The following SIAH3 variants were observed in gnomAD, a reference collection of about 807,000 sequenced individuals.
SIAH3 encodes seven in absentia homolog 3.
A neutral mutation model predicts 12.6 loss-of-function variants in SIAH3; 9 were observed. The ratio of observed to expected loss-of-function variants is 0.72; its 90% CI spans 0.43 to 1.25. The LOEUF is 1.25. Ranked by LOEUF, SIAH3 falls within the 50% of genes most tolerant of loss-of-function variation. SIAH3 has a pLI of 0.00. For missense variants in SIAH3, 390 were observed against 365.4 expected, an observed-to-expected ratio of 1.07 and a Z score of -0.55; for synonymous variants, 154 against 151.1, an observed-to-expected ratio of 1.02 and a Z score of -0.14.
At chr13:45,790,925 T>C (rs1437869695) in intron 1 of SIAH3, among the ~76,000 whole-genome samples, 2 of 152,236 alleles carry the variant, frequency 1.3e-5, no homozygotes, top group Admixed American at 6.5e-5. Context: ...CTCATGTCTG[T>C]ACTCCTAGCA....
intron 1 of SIAH3, among the ~76,000 whole-genome samples, chr13:45,825,732 G>A (rs74071841): frequency 0.022 from 3,319 of 152,286 alleles, 122 homozygotes; most frequent in African/African-American, 0.075. Flanking sequence ...TCATCTGTTC[G>A]TTCATTCAAC....
intron 1 of SIAH3, among the ~76,000 whole-genome samples, chr13:45,816,664 C>T (rs1424677746): frequency 6.6e-6 from 1 of 152,186 alleles, no homozygotes; most frequent in African/African-American, 2.4e-5. Context: ...GCTCAGGCTG[C>T]CCTCTGACAT....
chr13:45,794,778 T>A (rs564557429), intron 1 of SIAH3, among the ~76,000 whole-genome samples: 1 of 152,278 alleles, frequency 6.6e-6, no homozygotes, highest in Admixed American at 6.5e-5. Context: ...CTCAGGTGTG[T>A]CTTTATTAGC....
At chr13:45,796,338 G>T (rs9595383) in intron 1 of SIAH3, among the ~76,000 whole-genome samples, 1 of 151,818 alleles carries the variant, frequency 6.6e-6, no homozygotes, top group African/African-American at 2.4e-5. Context: ...TTTCATGGGC[G>T]GGGGGGAGGC....
chr13:45,784,391 G>A lies in SIAH3; in HGVS notation c.136-334C>T, dbSNP rs1415314871. Among the ~76,000 whole-genome samples the A allele has an allele frequency of 9.9e-5, 12 of 121,010 alleles. No individual in the cohort carries two copies. In the East Asian group the frequency reaches 2.0e-3, roughly 20 times the overall value. 79.4% of individuals were successfully genotyped at this position (121,010 alleles called of 152,430 possible). On this transcript the variant is annotated intron_variant, in intron 1 of 1. Coordinates refer to ENST00000400405, the MANE Select transcript of SIAH3 (RefSeq NM_198849.3). Reference sequence around the variant, plus strand: ...ATGGTCATCAATCACAAAGAACAAAGACAGCTGTTTTTTTTTTTTTTTTTT... The same window carrying A: ...ATGGTCATCAATCACAAAGAACAAAAACAGCTGTTTTTTTTTTTTTTTTTT...
rs1384546142 is a variant in SIAH3, at chr13:45,781,014, C to T, written c.*2369G>A. 2 of 152,496 alleles carry T rather than the reference C, an allele frequency of 1.3e-5. No homozygotes were observed. Among genetic ancestry groups the T allele is most frequent in the African/African-American group, 4.8e-5 (2 of 41,434 alleles). The allele number at this position is 152,496 out of a possible 1,614,324, so 9.4% of individuals were successfully genotyped here. ...TATGGAGAGGCCTTTTGGGGAGCAC[C>T]ATAGATGGAAGATAATAATACATTT... On this transcript the variant is annotated 3_prime_UTR_variant, in exon 2 of 2. Transcript: ENST00000400405.
At chr13:45,843,859 T>A (rs1235267829) in intron 1 of SIAH3, among the ~76,000 whole-genome samples, 1 of 152,142 alleles carries the variant, frequency 6.6e-6, no homozygotes, top group East Asian at 1.9e-4. Context: ...TAACAATTGG[T>A]GCCGGTCATA....
At chr13:45,811,295 G>A (rs999476489) in intron 1 of SIAH3, among the ~76,000 whole-genome samples, 1 of 152,112 alleles carries the variant, frequency 6.6e-6, no homozygotes, top group Admixed American at 6.6e-5. Flanking sequence ...GGTGAGAGGT[G>A]GTGATATTTG....
At chr13:45,796,151 A>C (rs1470399597) in intron 1 of SIAH3, among the ~76,000 whole-genome samples, 1 of 152,116 alleles carries the variant, frequency 6.6e-6, no homozygotes, top group Non-Finnish European at 1.5e-5. Flanking sequence ...GGCTCTATGG[A>C]TATGTGATTT....
Position 45,847,457 on chromosome 13 carries a change from T to C in SIAH3, c.135+4038A>G, listed in dbSNP as rs553962492. Reference sequence around the variant, plus strand: ...CTCCTCTTCCTTACAGCTCCCACCCTCCCCACTGCCACTCAATACACATTT... The same window carrying C: ...CTCCTCTTCCTTACAGCTCCCACCCCCCCCACTGCCACTCAATACACATTT... On this transcript the variant is annotated intron_variant, in intron 1 of 1. Coordinates refer to ENST00000400405, the MANE Select transcript of SIAH3 (RefSeq NM_198849.3). Among the ~76,000 whole-genome samples, 10 of 152,140 alleles carry C rather than the reference T, an allele frequency of 6.6e-5. No individual in the cohort carries two copies. The East Asian group carries it at 1.9e-3, about 29-fold the overall frequency.
At chr13:45,801,755 G>A (rs1483831221) in intron 1 of SIAH3, among the ~76,000 whole-genome samples, 1 of 152,130 alleles carries the variant, frequency 6.6e-6, no homozygotes, top group Non-Finnish European at 1.5e-5. Context: ...AGTACCTCAT[G>A]TAAATTTGAA....
At chr13:45,823,514 T>C (rs1285741865) in intron 1 of SIAH3, among the ~76,000 whole-genome samples, 2 of 152,226 alleles carry the variant, frequency 1.3e-5, no homozygotes, top group Non-Finnish European at 2.9e-5. Flanking sequence ...TTCTTTTCCT[T>C]TGTGAAATCT....
chr13:45,793,496 C>T (rs560453564), intron 1 of SIAH3, among the ~76,000 whole-genome samples: 105 of 152,304 alleles, frequency 6.9e-4, no homozygotes, highest in African/African-American at 2.5e-3. Context: ...CAAACTTATT[C>T]AACATCTAGT....
intron 1 of SIAH3, among the ~76,000 whole-genome samples, chr13:45,802,706 A>T (rs1255166334): frequency 1.3e-5 from 2 of 152,190 alleles, no homozygotes; most frequent in Non-Finnish European, 2.9e-5. Flanking sequence ...CCAGATCTAC[A>T]TTCGGCAGGT....
Position 45,828,582 on chromosome 13 carries a change from A to T in SIAH3, c.135+22913T>A, listed in dbSNP as rs1950687187. ...GCTATCCCAGCTTATCTAATGAAAG[A>T]TAGTCCAAATTTCCTCTCAATCCAG... On this transcript the variant is annotated intron_variant, in intron 1 of 1. Transcript: ENST00000400405. Among the ~76,000 whole-genome samples, 5 of 152,346 alleles carry T rather than the reference A, an allele frequency of 3.3e-5. No homozygotes were observed. The South Asian group carries it at 8.3e-4, about 25-fold the overall frequency.
chr13:45,804,901 G>T (rs1011729345), intron 1 of SIAH3, among the ~76,000 whole-genome samples: 4 of 149,100 alleles, frequency 2.7e-5, no homozygotes, highest in Non-Finnish European at 1.5e-5. Context: ...ACAAAAATTG[G>T]TAGCATTTTA....
chr13:45,789,934 T>C (rs1030721323), intron 1 of SIAH3, among the ~76,000 whole-genome samples: 3 of 152,192 alleles, frequency 2.0e-5, no homozygotes, highest in African/African-American at 4.8e-5. Context: ...ATCAGCATAA[T>C]AGATGCTAGA....
At chr13:45,789,217 G>T (rs1950537435) in intron 1 of SIAH3, among the ~76,000 whole-genome samples, 1 of 152,188 alleles carries the variant, frequency 6.6e-6, no homozygotes, top group Non-Finnish European at 1.5e-5. Context: ...TGTATCTTAT[G>T]CTCCTTCTCC....
intron 1 of SIAH3, among the ~76,000 whole-genome samples, chr13:45,824,530 G>A (rs976356063): frequency 2.0e-5 from 3 of 152,134 alleles, no homozygotes; most frequent in South Asian, 2.1e-4. Flanking sequence ...TCTAATTAAG[G>A]CAGAGTATCT....
Sources: allele counts gnomAD v4.1 joint callset (sites outside exome capture counted in the v4.1 genomes callset), GRCh38; gene constraint gnomAD v4.1.1; transcripts MANE v1.5; gene names NCBI Gene and HGNC (gene_info 2026-07-23, HGNC 2026-07-21).